Variants in RALGAPA2 observed in about 807,000 individuals in gnomAD.
RALGAPA2 encodes ral GTPase-activating protein subunit alpha-2.
Under a neutral mutation model 230.4 loss-of-function variants are expected in RALGAPA2, and 139 were observed. The observed-to-expected ratio is 0.60, with a 90% CI of 0.53 to 0.69. The LOEUF is 0.69. Among genes scored for constraint, RALGAPA2 ranks in the 30% least tolerant of loss-of-function variants. RALGAPA2 has a pLI of 0.00. For missense variants in RALGAPA2, 2,163 were observed against 2,276.0 expected (o/e 0.95, Z 1.01); for synonymous variants, 847 against 837.8 (o/e 1.01, Z -0.19).
At chr20:20,489,772 C>G (rs965626225) in intron 36 of RALGAPA2, among the ~76,000 whole-genome samples, 1 of 152,206 alleles carries the variant, frequency 6.6e-6, no homozygotes, top group African/African-American at 2.4e-5. Context: ...TGTGCAGGAA[C>G]CTAGGCAGTC....
chr20:20,712,233 G>T lies in RALGAPA2; in HGVS notation c.106+142C>A. On this transcript the variant is annotated intron_variant, in intron 1 of 39. Transcript: ENST00000202677. This position sits in a 1 kb window ranked among gnomAD's most constrained non-coding sequence, Gnocchi z 5.5. ...TGGAAACAAAGCCCCGGGGGTCCAA[G>T]CCCAGATCCAGGGAAGGGGGTCGGA... 1 of 818,572 alleles carries T rather than the reference G, an allele frequency of 1.2e-6. No homozygotes were observed. Among genetic ancestry groups the T allele is most frequent in the Non-Finnish European group, 1.8e-6 (1 of 549,214 alleles). 50.7% of individuals were successfully genotyped at this position (818,572 alleles called of 1,614,324 possible).
chr20:20,412,027 C>G lies in RALGAPA2; in HGVS notation c.5617G>C (p.Asp1873His), dbSNP rs747231435. The G allele has an allele frequency of 6.2e-7, 1 of 1,613,738 alleles. No individual in the cohort carries two copies. The highest frequency in any genetic ancestry group is 1.7e-5 in the Admixed American group (1 of 60,004). Residue 1873 changes from aspartate (D) to histidine (H), a missense_variant and splice_region_variant, in exon 38 of 40, where the codon GAT becomes CAT. Coordinates refer to ENST00000202677, the MANE Select transcript of RALGAPA2 (RefSeq NM_020343.4). ...PSPSYSLSGT[D>H] ...AGAGAAGAATAATGTAGACACTCAC[C>G]CGTTCCGCTGAGGGAGTAGCTGGGA...
At chr20:20,400,684 T>C (rs879436202) in intron 38 of RALGAPA2, among the ~76,000 whole-genome samples, 2 of 152,226 alleles carry the variant, frequency 1.3e-5, no homozygotes, top group Non-Finnish European at 2.9e-5. Flanking sequence ...GGGAAGTCTG[T>C]GTACTTTACC....
At chr20:20,673,232 A>G (rs898524574) in intron 3 of RALGAPA2, among the ~76,000 whole-genome samples, 5 of 151,264 alleles carry the variant, frequency 3.3e-5, no homozygotes, top group African/African-American at 1.2e-4. Flanking sequence ...ATTTAAAAAA[A>G]TGAAAAAAAA....
chr20:20,565,033 T>C (rs534727666), intron 23 of RALGAPA2, among the ~76,000 whole-genome samples: 1 of 152,352 alleles, frequency 6.6e-6, no homozygotes, highest in South Asian at 2.1e-4. Context: ...CCTCGGAACA[T>C]CAGTTAGATC....
intron 36 of RALGAPA2, among the ~76,000 whole-genome samples, chr20:20,479,858 C>T (rs1357829054): frequency 6.6e-6 from 1 of 152,188 alleles, no homozygotes; most frequent in Non-Finnish European, 1.5e-5. Context: ...TAACTGTACT[C>T]ACAGAATCTC....
chr20:20,443,345 C>T (rs1261678242), intron 37 of RALGAPA2, among the ~76,000 whole-genome samples: 4 of 152,150 alleles, frequency 2.6e-5, no homozygotes, highest in Non-Finnish European at 5.9e-5. Flanking sequence ...GAATGAATGG[C>T]TTCAAACTGA....
In RALGAPA2 at chr20:20,552,385, C is replaced by T. The variant is rs564899348; in HGVS notation, c.3157-5553G>A. Among the ~76,000 whole-genome samples, 4 of 152,292 alleles carry T rather than the reference C, an allele frequency of 2.6e-5. No homozygotes were observed. The South Asian group carries it at 8.3e-4, about 32-fold the overall frequency. On this transcript the variant is annotated intron_variant, in intron 23 of 39. Coordinates refer to ENST00000202677, the MANE Select transcript of RALGAPA2 (RefSeq NM_020343.4). The stretch of plus-strand genomic sequence containing the variant: ...AATAAAATCTGCATATGAAAAATCA[C>T]TCAATTCCTCATTTAACTTTTTACT...
In RALGAPA2 at chr20:20,512,838, A is replaced by T. The variant is rs1402616961; in HGVS notation, c.4531T>A (p.Ser1511Thr). 2 of 1,613,270 alleles carry T rather than the reference A, an allele frequency of 1.2e-6. No individual in the cohort carries two copies. Among genetic ancestry groups the T allele is most frequent in the African/African-American group, 2.7e-5 (2 of 74,902 alleles). Reference protein sequence around the residue: ...RDTFGPQKDSSQVEEGDDVLD... With the variant: ...RDTFGPQKDSTQVEEGDDVLD... ...ACATCATCCCCCTCCTCAACTTGAG[A>T]AGAGTCTTTCTGAGGTCCAAATGTG... The change falls in exon 32 of 40, where the codon TCT becomes ACT. Residue 1511 changes from serine to threonine, a missense_variant. Ser to Thr is a moderately conservative substitution (Grantham distance 58, BLOSUM62 1). Coordinates refer to ENST00000202677, the MANE Select transcript of RALGAPA2 (RefSeq NM_020343.4).
At chr20:20,488,797 C>T (rs2061977432) in intron 36 of RALGAPA2, among the ~76,000 whole-genome samples, 1 of 152,218 alleles carries the variant, frequency 6.6e-6, no homozygotes, top group African/African-American at 2.4e-5. Context: ...ATTTACTGGC[C>T]TTCTCCCTTA....
At chr20:20,557,398 G>C (rs1246223096) in intron 23 of RALGAPA2, among the ~76,000 whole-genome samples, 1 of 152,110 alleles carries the variant, frequency 6.6e-6, no homozygotes, top group East Asian at 1.9e-4. Context: ...AGTCAAATGT[G>C]CACACACAAA....
At position 20,413,285 on chromosome 20, in the gene RALGAPA2, T is replaced by C. The variant is rs2060099571; in HGVS notation, c.5496-1137A>G. Among the ~76,000 whole-genome samples, 4 of 152,216 alleles carry C rather than the reference T, an allele frequency of 2.6e-5. No homozygotes were observed. In the South Asian group the frequency reaches 8.3e-4, roughly 31 times the overall value. ...TTTAAAAATACAAGTTGGTGACAAT[T>C]ATGTCCTTTCAATCAGCCTTCAAGA... On this transcript the variant is annotated intron_variant, in intron 37 of 39. Transcript: ENST00000202677.
intron 8 of RALGAPA2, among the ~76,000 whole-genome samples, chr20:20,636,114 T>C (rs2066848819): frequency 6.6e-6 from 1 of 152,200 alleles, no homozygotes; most frequent in Non-Finnish European, 1.5e-5. Flanking sequence ...AGAATCAATA[T>C]CATCTACTTT....
intron 3 of RALGAPA2, among the ~76,000 whole-genome samples, chr20:20,662,424 A>T (rs1293639865): frequency 3.9e-5 from 6 of 152,342 alleles, no homozygotes; most frequent in African/African-American, 1.2e-4. Context: ...GCCAAAGCTG[A>T]AATAAGAGAC....
At chr20:20,426,997 A>G (rs1181072499) in intron 37 of RALGAPA2, among the ~76,000 whole-genome samples, 1 of 152,218 alleles carries the variant, frequency 6.6e-6, no homozygotes, top group East Asian at 1.9e-4. Context: ...AAGAGCAGTG[A>G]GGAAAAGTGT....
At position 20,390,471 on chromosome 20, in the gene RALGAPA2, G is replaced by T. The variant is rs1368057597; in HGVS notation, c.*2818C>A. ...CTGGATGGAATCTGGGAATAGGTGT[G>T]CAGAGAAGTGAGGGAACTGGCCTGG... On this transcript the variant is annotated 3_prime_UTR_variant, in exon 40 of 40. Transcript: ENST00000202677. 2.0e-5 allele frequency: 3 copies of T among 152,162 alleles called. No homozygotes were observed. The highest frequency in any genetic ancestry group is 4.4e-5 in the Non-Finnish European group (3 of 68,028). 9.4% of individuals were successfully genotyped at this position (152,162 alleles called of 1,614,324 possible). A position where few individuals can be genotyped will look rare whatever the true frequency, so the allele number is the denominator to read the frequency against.
At chr20:20,580,538 C>T (rs758120905) in intron 20 of RALGAPA2, among the ~76,000 whole-genome samples, 9 of 152,184 alleles carry the variant, frequency 5.9e-5, no homozygotes, top group Non-Finnish European at 1.3e-4. Context: ...CATACCCTGC[C>T]TTGCCTTGCT....
intron 37 of RALGAPA2, among the ~76,000 whole-genome samples, chr20:20,425,183 T>C (rs558117008): frequency 6.6e-6 from 1 of 152,330 alleles, no homozygotes; most frequent in Admixed American, 6.5e-5. Flanking sequence ...CTATAGCAGA[T>C]ACTCTGGTTA....
chr20:20,536,758 G>C lies in RALGAPA2; in HGVS notation c.3312C>G (p.Val1104=). 2 of 1,612,662 alleles carry C rather than the reference G, an allele frequency of 1.2e-6. No homozygotes were observed. The highest frequency in any genetic ancestry group is 1.7e-6 in the Non-Finnish European group (2 of 1,178,952). Residue 1104 remains valine (V), a synonymous_variant, in exon 25 of 40, where the codon GTC becomes GTG. Transcript: ENST00000202677. ...TTGGAAAGCAGACCAGAGAGCCGAG[G>C]ACAGTGACAGCCTCTGAACGAGGCG... ...LTAPRSEAVT[V]LGSLVCFPNT...
Sources: allele counts gnomAD v4.1 joint callset (sites outside exome capture counted in the v4.1 genomes callset), GRCh38; gene constraint gnomAD v4.1.1; non-coding constraint Gnocchi (gnomAD v3.1); transcripts MANE v1.5; gene names NCBI Gene and HGNC (gene_info 2026-07-23, HGNC 2026-07-21).